Variants in HHAT observed in about 807,000 individuals in gnomAD.
HHAT encodes protein-cysteine N-palmitoyltransferase HHAT.
In HHAT, 47 loss-of-function variants were observed where a neutral mutation model predicts 70.8. The observed-to-expected ratio is 0.66, with a 90% CI of 0.53 to 0.85. The LOEUF (loss-of-function observed/expected upper bound fraction) is 0.85, where lower values mean the gene tolerates loss of function less well. HHAT is among the 40% of genes least tolerant of loss of function. The pLI is 0.00. For missense variants in HHAT, 609 were observed against 604.8 expected, an observed-to-expected ratio of 1.01 and a Z score of -0.07; for synonymous variants, 228 against 247.6, an observed-to-expected ratio of 0.92 and a Z score of 0.74.
At chr1:210,645,577 C>T (rs1673879699) in intron 11 of HHAT, among the ~76,000 whole-genome samples, 1 of 152,174 alleles carries the variant, frequency 6.6e-6, no homozygotes, top group African/African-American at 2.4e-5. Context: ...GTTGATATAC[C>T]TGTGCAGTTG....
At chr1:210,414,472 A>G (rs2092657601) in intron 6 of HHAT, among the ~76,000 whole-genome samples, 1 of 152,172 alleles carries the variant, frequency 6.6e-6, no homozygotes, top group African/African-American at 2.4e-5. Flanking sequence ...AGAACTCAGT[A>G]CATAGCTACA....
intron 7 of HHAT, among the ~76,000 whole-genome samples, chr1:210,454,502 C>T (rs1437772930): frequency 3.3e-5 from 5 of 152,036 alleles, no homozygotes; most frequent in Admixed American, 3.3e-4. Context: ...TGCAGTAAGC[C>T]GAGATCGTGC....
intron 9 of HHAT, among the ~76,000 whole-genome samples, chr1:210,577,869 C>G (rs1296537608): frequency 6.6e-6 from 1 of 152,012 alleles, no homozygotes; most frequent in Non-Finnish European, 1.5e-5. Context: ...TGGTCTTGAA[C>G]TCCTGACCTC....
At chr1:210,374,572 G>A (rs919787271) in intron 3 of HHAT, among the ~76,000 whole-genome samples, 14 of 152,162 alleles carry the variant, frequency 9.2e-5, no homozygotes, top group African/African-American at 3.1e-4. Flanking sequence ...GGCCATGCTA[G>A]CTGAGTTCTA....
Position 210,397,570 on chromosome 1 carries a change from TG to T in HHAT, c.274-2897del, listed in dbSNP as rs1157479623. On this transcript the variant is annotated intron_variant, in intron 4 of 11. Coordinates refer to ENST00000261458, the MANE Select transcript of HHAT (RefSeq NM_018194.6). The stretch of plus-strand genomic sequence containing the variant: ...AATGCAACACAATTTTTTTTTTTTT[TG>T]AAAAGTTAAAAAAATTCTGGCCTGG... Among the ~76,000 whole-genome samples the T allele has an allele frequency of 4.1e-3, 589 of 144,574 alleles. 3 individuals carry two copies. The highest frequency in any genetic ancestry group is 0.014 in the African/African-American group (549 of 39,132). The allele number at this position is 144,574 out of a possible 152,430, so 94.8% of individuals were successfully genotyped here.
At chr1:210,632,673 C>G (rs898516352) in intron 11 of HHAT, among the ~76,000 whole-genome samples, 1 of 152,224 alleles carries the variant, frequency 6.6e-6, no homozygotes, top group African/African-American at 2.4e-5. Flanking sequence ...ACAAGCTGCT[C>G]TTTGTTAGAA....
chr1:210,526,105 T>C (rs528473148), intron 9 of HHAT, among the ~76,000 whole-genome samples: 3 of 152,274 alleles, frequency 2.0e-5, no homozygotes, highest in African/African-American at 7.2e-5. Context: ...GGACCTGGAA[T>C]GCATTCTGGT....
At chr1:210,647,164 G>C (rs2148925619) in intron 11 of HHAT, among the ~76,000 whole-genome samples, 1 of 152,272 alleles carries the variant, frequency 6.6e-6, no homozygotes, top group South Asian at 2.1e-4. Flanking sequence ...ACTCTCCCTT[G>C]CGCTTTTCAT....
At chr1:210,501,039 C>T (rs2094743524) in intron 8 of HHAT, among the ~76,000 whole-genome samples, 1 of 152,220 alleles carries the variant, frequency 6.6e-6, no homozygotes, top group Admixed American at 6.5e-5. Context: ...AACACCAGCT[C>T]AAGACCTCTC....
At chr1:210,548,073 C>T (rs553153522) in intron 9 of HHAT, among the ~76,000 whole-genome samples, 3 of 152,318 alleles carry the variant, frequency 2.0e-5, no homozygotes, top group East Asian at 1.9e-4. Context: ...ATTTCATACC[C>T]GACTATAGTC....
intron 10 of HHAT, among the ~76,000 whole-genome samples, chr1:210,620,462 A>C (rs985382433): frequency 2.0e-4 from 31 of 152,218 alleles, no homozygotes; most frequent in Non-Finnish European, 4.1e-4. Context: ...TGAACCTGAC[A>C]GATCCCACCC....
chr1:210,619,388 C>T (rs148561802), intron 10 of HHAT, among the ~76,000 whole-genome samples: 2 of 152,164 alleles, frequency 1.3e-5, no homozygotes, highest in African/African-American at 4.8e-5. Context: ...CCTCCTCACT[C>T]TCCATGTGAT....
At chr1:210,579,118 A>G (rs1426133925) in intron 9 of HHAT, among the ~76,000 whole-genome samples, 1 of 152,160 alleles carries the variant, frequency 6.6e-6, no homozygotes, top group Non-Finnish European at 1.5e-5. Context: ...GGACACACAG[A>G]GGGGAATGAC....
At chr1:210,379,063 C>CT (rs2090439780) in intron 3 of HHAT, among the ~76,000 whole-genome samples, 1 of 152,116 alleles carries the variant, frequency 6.6e-6, no homozygotes, top group African/African-American at 2.4e-5. Context: ...ACTAAGTGAG[C>CT]TACCAGAAAC....
chr1:210,347,037 A>AGTGC, intron 1 of HHAT, among the ~76,000 whole-genome samples: 2 of 152,288 alleles, frequency 1.3e-5, no homozygotes, highest in East Asian at 3.9e-4. Context: ...TGGTGAGAAC[A>AGTGC]TTTAAGATCT....
At chr1:210,590,253 A>G (rs1573555808) in intron 10 of HHAT, 1 of 152,062 alleles carries the variant, frequency 6.6e-6, no homozygotes, top group South Asian at 2.1e-4. Context: ...TGAGTAAACT[A>G]TTTCCCCACT....
At chr1:210,484,182 C>A (rs756212144) in intron 8 of HHAT, among the ~76,000 whole-genome samples, 1 of 152,180 alleles carries the variant, frequency 6.6e-6, no homozygotes, top group Non-Finnish European at 1.5e-5. Flanking sequence ...TGGAAAAATG[C>A]CTGACTGACA....
intron 11 of HHAT, among the ~76,000 whole-genome samples, chr1:210,627,349 T>TC (rs1670010904): frequency 6.6e-6 from 1 of 152,202 alleles, no homozygotes; most frequent in African/African-American, 2.4e-5. Flanking sequence ...TAGAAGTATC[T>TC]CATGATTCGC....
rs541023832 is a variant in HHAT at position 210,418,337 on chromosome 1, A to G, written c.856+12A>G. On this transcript the variant is annotated intron_variant, in intron 7 of 11. Coordinates refer to ENST00000261458, the MANE Select transcript of HHAT (RefSeq NM_018194.6). ...TTGTTGGACCTTAGGTAATTGTGGGAATCACCAACAGTGGGATGAGCCCCA... is the reference window on the plus strand; with the variant it reads ...TTGTTGGACCTTAGGTAATTGTGGGGATCACCAACAGTGGGATGAGCCCCA... The G allele has an allele frequency of 1.8e-5, 28 of 1,565,698 alleles. No individual in the cohort carries two copies. Among genetic ancestry groups the G allele is most frequent in the Middle Eastern group, 1.7e-4 (1 of 5,808 alleles).
Sources: gnomAD v4.1 joint callset for allele counts (sites outside exome capture counted in the v4.1 genomes callset) on GRCh38, gnomAD v4.1.1 for gene constraint, MANE v1.5 for transcripts, NCBI Gene and HGNC (gene_info 2026-07-23, HGNC 2026-07-21) for gene names.